The following CTBP2 variants were observed in gnomAD, a reference collection of about 807,000 sequenced individuals.
The protein encoded by CTBP2 is C-terminal-binding protein 2.
Under a neutral mutation model 80.3 loss-of-function variants are expected in CTBP2, and 30 were observed. That is an observed-to-expected ratio of 0.37 (90% CI 0.28 to 0.51). CTBP2 has a LOEUF of 0.51. CTBP2 is among the 20% of genes least tolerant of loss of function. The pLI, the probability that CTBP2 is intolerant of heterozygous loss-of-function variation, is 0.93. For missense variants in CTBP2, 1,212 were observed against 1,375.3 expected, an observed-to-expected ratio of 0.88 and a Z score of 1.88; for synonymous variants, 594 against 587.4, an observed-to-expected ratio of 1.01 and a Z score of -0.16.
chr10:124,990,468 G>A (rs552604354), intron 8 of CTBP2, among the ~76,000 whole-genome samples: 2 of 152,258 alleles, frequency 1.3e-5, no homozygotes, highest in East Asian at 1.9e-4. Flanking sequence ...CAAACACGGG[G>A]CCACTAATTT....
Position 125,027,758 on chromosome 10 carries a change from ATTGG to A in CTBP2, c.-3_1del, listed in dbSNP as rs765863067. ...ATTTATATGCCTGCTGGGAACTGGC[ATTGG>A]AAAAAAAATGACTGCGGATGAGGCA... On this transcript the variant is annotated start_lost and 5_prime_UTR_variant, in exon 1 of 9. Transcript: ENST00000309035. The A allele has an allele frequency of 3.2e-5, 50 of 1,572,282 alleles. No individual in the cohort carries two copies. The South Asian group carries it at 5.5e-4, about 17-fold the overall frequency.
intron 2 of CTBP2, among the ~76,000 whole-genome samples, chr10:125,051,892 T>TA (rs1462754768): frequency 2.6e-5 from 4 of 152,046 alleles, no homozygotes; most frequent in African/African-American, 4.8e-5. Flanking sequence ...GTTGGACACT[T>TA]AGACACAGAC....
chr10:125,027,451 G>A lies in CTBP2; in HGVS notation c.309C>T (p.Ser103=), dbSNP rs148945836. 1.7e-4 allele frequency: 279 copies of A among 1,614,146 alleles called. No homozygotes were observed. In the African/African-American group the frequency reaches 3.1e-3, roughly 18 times the overall value. ...TGTAGTACTCCCGTGGCAGCAGGGG[G>A]CTGCGACCAGACATCACTGCCTGTC... Residue 103 remains serine, a synonymous_variant, in exon 1 of 9, where the codon AGC becomes AGT. Coordinates refer to ENST00000309035, the MANE Select transcript of CTBP2 (RefSeq NM_022802.3).
Position 124,989,434 on chromosome 10 carries a change from C to A in CTBP2, c.*84G>T, listed in dbSNP as rs78563051. 2,009 of 1,351,526 alleles carry A rather than the reference C, an allele frequency of 1.5e-3. 15 individuals carry two copies. The African/African-American group carries it at 0.017, about 11-fold the overall frequency. The allele number at this position is 1,351,526 out of a possible 1,614,324, so 83.7% of individuals were successfully genotyped here. A position where few individuals can be genotyped will look rare whatever the true frequency, so the allele number is the denominator to read the frequency against. ...TCCAGAATCAGTTACAAAGACCATC[C>A]GATTCTTTTTCTCTTAGTTCATCTA... On this transcript the variant is annotated 3_prime_UTR_variant, in exon 9 of 9. Transcript: ENST00000309035.
chr10:125,075,929 G>T (rs1323556671), intron 2 of CTBP2, among the ~76,000 whole-genome samples: 1 of 152,176 alleles, frequency 6.6e-6, no homozygotes, highest in Non-Finnish European at 1.5e-5. Context: ...CTTCTTCTAG[G>T]TATGTGCTCA....
chr10:125,161,067 T>TTTGG, upstream of CTBP2: 1 of 108,038 alleles, frequency 9.3e-6, no homozygotes, highest in Non-Finnish European at 2.1e-5. Context: ...CTCCTGTTTT[T>TTTGG]GGGGGGGGGG....
At chr10:125,040,607 C>T (rs1270070650) in intron 2 of CTBP2, among the ~76,000 whole-genome samples, 1 of 149,412 alleles carries the variant, frequency 6.7e-6, no homozygotes, top group South Asian at 2.1e-4. Context: ...CATACACACA[C>T]ACACACACAC....
chr10:125,118,155 T>G (rs960679224), intron 1 of CTBP2, among the ~76,000 whole-genome samples: 1 of 152,236 alleles, frequency 6.6e-6, no homozygotes, highest in Non-Finnish European at 1.5e-5. Context: ...ATGTTTCCAG[T>G]GTTGTCTCAG....
chr10:125,086,142 T>A (rs1847931884), intron 2 of CTBP2, among the ~76,000 whole-genome samples: 1 of 152,212 alleles, frequency 6.6e-6, no homozygotes, highest in African/African-American at 2.4e-5. Flanking sequence ...GCTGAAAGCC[T>A]CATCCCCAAG....
chr10:125,147,143 A>G (rs1858928369), intron 1 of CTBP2, among the ~76,000 whole-genome samples: 1 of 152,218 alleles, frequency 6.6e-6, no homozygotes, highest in Non-Finnish European at 1.5e-5. Flanking sequence ...ACGTGTGCAC[A>G]GAGGGAAGGG....
At chr10:125,158,596 A>C (rs1237121058) in intron 1 of CTBP2, 4 of 152,312 alleles carry the variant, frequency 2.6e-5, no homozygotes, top group Admixed American at 2.6e-4. Flanking sequence ...TCCAATCTTT[A>C]AAGAAAAAAG....
At chr10:125,091,844 AT>A (rs1848811226) in intron 2 of CTBP2, among the ~76,000 whole-genome samples, 1 of 152,164 alleles carries the variant, frequency 6.6e-6, no homozygotes, top group Non-Finnish European at 1.5e-5. Flanking sequence ...GGAAAAAAAA[AT>A]CACCCAAAAT....
intron 3 of CTBP2, 139 bp downstream of exon 3, chr10:125,038,858 G>A: frequency 2.5e-6 from 2 of 808,760 alleles, no homozygotes; most frequent in South Asian, 1.7e-5. Flanking sequence ...CCAGCAGAGG[G>A]TGCCAATGGT....
upstream of CTBP2, among the ~76,000 whole-genome samples, chr10:125,032,435 A>G (rs540992367): frequency 6.6e-6 from 1 of 152,180 alleles, no homozygotes; most frequent in East Asian, 1.9e-4. Flanking sequence ...TGGTTTTGTG[A>G]GCAATGCTCC....
At chr10:125,015,077 T>G (rs1182405778) in intron 1 of CTBP2, among the ~76,000 whole-genome samples, 2 of 152,218 alleles carry the variant, frequency 1.3e-5, no homozygotes, top group East Asian at 3.8e-4. Context: ...GTGCTCCACG[T>G]TCCTCGACAT....
rs144503586 is a variant in CTBP2, at chr10:125,043,169, G to C, written c.-101-4014C>G. ...GAGAATGTGACATTTTTGAAGACGT[G>C]AGAGAACAAAAAGGAAAAACGGCAC... On this transcript the variant is annotated intron_variant, in intron 2 of 10. Coordinates refer to the CTBP2 transcript ENST00000337195. Among the ~76,000 whole-genome samples the C allele has an allele frequency of 2.6e-3, 400 of 152,278 alleles. 1 individual carries two copies. Among genetic ancestry groups the C allele is most frequent in the African/African-American group, 9.2e-3 (384 of 41,560 alleles).
At chr10:125,030,732 T>C (rs543922359), upstream of CTBP2, among the ~76,000 whole-genome samples, 1 of 152,320 alleles carries the variant, frequency 6.6e-6, no homozygotes, top group African/African-American at 2.4e-5. Context: ...CTTAACTGTG[T>C]TGTCACCCGC....
At position 124,992,830 on chromosome 10, in the gene CTBP2, AAATT is replaced by A; in HGVS notation, c.2660-22_2660-19del. 6.4e-7 allele frequency: 1 copy of A among 1,558,222 alleles called. No individual in the cohort carries two copies. The highest frequency in any genetic ancestry group is 8.8e-7 in the Non-Finnish European group (1 of 1,134,818). On this transcript the variant is annotated intron_variant, in intron 7 of 8. Transcript: ENST00000309035. ...GATGCGACCTAGGGTAAGATGATTA[AAATT>A]AATCATATTATTTTTACAAATCACA...
Position 125,038,012 on chromosome 10 carries a change from C to G in CTBP2, c.58+985G>C, listed in dbSNP as rs540759696. ...TTGTGAATGTTTACTTTAAAAAAACCCTTTAACGCCAAACTCCTTATACTG... is the reference window on the plus strand; with the variant it reads ...TTGTGAATGTTTACTTTAAAAAAACGCTTTAACGCCAAACTCCTTATACTG... On this transcript the variant is annotated intron_variant, in intron 3 of 10. Transcript: ENST00000337195. 2.1e-3 allele frequency among the ~76,000 whole-genome samples: 325 copies of G among 152,270 alleles called. 2 individuals are homozygous for G. Among genetic ancestry groups the G allele is most frequent in the African/African-American group, 7.1e-3 (293 of 41,552 alleles).
Sources: gnomAD v4.1 joint callset for allele counts (sites outside exome capture counted in the v4.1 genomes callset) on GRCh38, gnomAD v4.1.1 for gene constraint, MANE v1.5 for transcripts, NCBI Gene and HGNC (gene_info 2026-07-23, HGNC 2026-07-21) for gene names.